Variants in KNL1 observed in about 807,000 individuals in gnomAD.
KNL1 encodes kinetochore scaffold 1.
In KNL1, 66 loss-of-function variants were observed where a neutral mutation model predicts 201.3. That is an observed-to-expected ratio of 0.33 (90% confidence interval 0.27 to 0.40). KNL1 has a LOEUF of 0.40. Among genes scored for constraint, KNL1 ranks in the 10% least tolerant of loss-of-function variants. KNL1 has a pLI of 1.00. For synonymous variants in KNL1, 895 were observed against 899.2 expected, an observed-to-expected ratio of 1.00 and a Z score of 0.08; for missense variants, 2,815 against 2,690.5, an observed-to-expected ratio of 1.05 and a Z score of -1.02.
At chr15:40,595,615 T>C (rs1362202077) in intron 1 of KNL1, among the ~76,000 whole-genome samples, 2 of 152,200 alleles carry the variant, frequency 1.3e-5, no homozygotes, top group Non-Finnish European at 2.9e-5. Context: ...TAAAAGATAC[T>C]GACTCTAGAT....
intron 1 of KNL1, among the ~76,000 whole-genome samples, chr15:40,601,627 C>T (rs1446391610): frequency 6.6e-6 from 1 of 151,670 alleles, no homozygotes; most frequent in African/African-American, 2.4e-5. Flanking sequence ...GTCAGGAGAT[C>T]GAGACCACGG....
chr15:40,649,090 G>T (rs1429600813), intron 17 of KNL1, among the ~76,000 whole-genome samples: 1 of 149,154 alleles, frequency 6.7e-6, no homozygotes, highest in Admixed American at 6.7e-5. Context: ...CGCCCGCCTC[G>T]GCCTCCCAAA....
chr15:40,624,268 T>C lies in KNL1; in HGVS notation c.4004T>C (p.Val1335Ala). ...KDEEKANYCP[V>A]QNDLAYANDF... is the part of the protein sequence containing the mutation. ...GAGGAAAAAGCCAATTATTGCCCAG[T>C]GCAAAATGATCTTGCTTATGCAAAT... Residue 1335 changes from valine to alanine, a missense_variant, in exon 10 of 26, where the codon GTG becomes GCG. This residue lies in a region of KNL1 where 2,464 missense variants were observed against 2,291.7 expected (regional missense o/e 1.08). Transcript: ENST00000399668. 6.2e-7 allele frequency: 1 copy of C among 1,614,104 alleles called. No homozygotes were observed.
At chr15:40,643,949 G>A (rs1428543462) in intron 14 of KNL1, among the ~76,000 whole-genome samples, 1 of 152,126 alleles carries the variant, frequency 6.6e-6, no homozygotes, top group Non-Finnish European at 1.5e-5. Context: ...TGAACCCTAC[G>A]CTTGAAGAGG....
intron 25 of KNL1, among the ~76,000 whole-genome samples, chr15:40,659,864 C>T (rs937614098): frequency 2.7e-5 from 4 of 147,784 alleles, no homozygotes; most frequent in African/African-American, 1.0e-4. Context: ...AGCTAAACTT[C>T]AGTTCTCTTG....
Position 40,629,338 on chromosome 15 carries a change from A to G in KNL1, c.5649A>G (p.Ile1883Met). ...TACTTCTCCAGGTCCACATCTTGATACAGAAACCCCGACAGAGCAATCTCC... is the reference window on the plus strand; with the variant it reads ...TACTTCTCCAGGTCCACATCTTGATGCAGAAACCCCGACAGAGCAATCTCC... The part of the protein sequence containing the change: ...FFILLQVHIL[I>M]QKPRQSNLPG... Residue 1883 changes from isoleucine to methionine, a missense_variant, in exon 13 of 26, where the codon ATA (isoleucine) becomes ATG (methionine). Around this residue, in one of 3 missense-constraint regions of KNL1, gnomAD observed 2,464 missense variants for 2,291.7 expected, o/e 1.08. Coordinates refer to ENST00000399668, the MANE Select transcript of KNL1 (RefSeq NM_144508.5). 6.2e-7 allele frequency: 1 copy of G among 1,606,756 alleles called. No individual in the cohort carries two copies. The highest frequency in any genetic ancestry group is 8.5e-7 in the Non-Finnish European group (1 of 1,178,402).
At chr15:40,628,308 T>G in intron 11 of KNL1, 100 bp downstream of exon 11, 1 of 1,223,744 alleles carries the variant, frequency 8.2e-7, no homozygotes, top group Non-Finnish European at 1.1e-6. Context: ...TGTATATGCC[T>G]TTTTGGGGTT....
chr15:40,658,080 A>G (rs1188833529), intron 24 of KNL1, among the ~76,000 whole-genome samples: 4 of 152,070 alleles, frequency 2.6e-5, no homozygotes, highest in Non-Finnish European at 4.4e-5. Context: ...AGCCTGGCCA[A>G]TATGGTGAAA....
Position 40,621,441 on chromosome 15 carries a change from G to A in KNL1, c.1177G>A (p.Ala393Thr), listed in dbSNP as rs2141719852. ...IHITRSHIMG[A>T]ETHIVSQTCN... ...TATTACCAGAAGTCATATTATGGGG[G>A]CAGAAACTCACATAGTCTCACAGAC... is the stretch of plus-strand genomic sequence containing the variant. Residue 393 changes from alanine (A) to threonine (T), a missense_variant, in exon 10 of 26, where the codon GCA (alanine) becomes ACA (threonine). Around this residue, in one of 3 missense-constraint regions of KNL1, gnomAD observed 2,464 missense variants for 2,291.7 expected, o/e 1.08. Coordinates refer to ENST00000399668, the MANE Select transcript of KNL1 (RefSeq NM_144508.5). 1.2e-6 allele frequency: 2 copies of A among 1,613,814 alleles called. No individual in the cohort carries two copies. Among genetic ancestry groups the A allele is most frequent in the East Asian group, 2.2e-5 (1 of 44,872 alleles).
At position 40,623,053 on chromosome 15, in the gene KNL1, C is replaced by A; in HGVS notation, c.2789C>A (p.Ser930Ter). ...ACTGCCTTAGAATGTAAAACTGTCT[C>A]ACCAGATGAAATAACTACTAGGCCT... ...HTTALECKTV[S>*]PDEITTRPMD... Residue 930 changes from serine to a stop codon, truncating the protein, a stop_gained, in exon 10 of 26, where the codon TCA becomes TAA. Coordinates refer to ENST00000399668, the MANE Select transcript of KNL1 (RefSeq NM_144508.5). LOFTEE classifies it high-confidence loss of function. 1 of 1,613,484 alleles carries A rather than the reference C, an allele frequency of 6.2e-7. No homozygotes were observed. Among genetic ancestry groups the A allele is most frequent in the Non-Finnish European group, 8.5e-7 (1 of 1,179,742 alleles).
At position 40,622,678 on chromosome 15, in the gene KNL1, T is replaced by C; in HGVS notation, c.2414T>C (p.Val805Ala). The change falls in exon 10 of 26, where the codon GTT (valine) becomes GCT (alanine). Residue 805 changes from valine to alanine, a missense_variant. Coordinates refer to ENST00000399668, the MANE Select transcript of KNL1 (RefSeq NM_144508.5). ...ATGAACAGACAGATAGCTGTAAAAG[T>C]TGAAAAATGTGGTAAAAGTCCCATA... is the stretch of plus-strand genomic sequence containing the variant. ...TTMNRQIAVK[V>A]EKCGKSPIEK... is the part of the protein sequence containing the mutation. 1 of 1,589,904 alleles carries C rather than the reference T, an allele frequency of 6.3e-7. No individual in the cohort carries two copies. Among genetic ancestry groups the C allele is most frequent in the Non-Finnish European group, 8.5e-7 (1 of 1,171,096 alleles).
chr15:40,621,484 G>C lies in KNL1; in HGVS notation c.1220G>C (p.Arg407Thr). The C allele has an allele frequency of 6.2e-7, 1 of 1,613,988 alleles. No individual in the cohort carries two copies. Among genetic ancestry groups the C allele is most frequent in the Non-Finnish European group, 8.5e-7 (1 of 1,179,946 alleles). ...TCACAGACTTGTAATCAGGATGCCA[G>C]AATATTAGCCATGACCCCAGAATCT... ...IVSQTCNQDA[R>T]ILAMTPESIY... The change falls in exon 10 of 26, where the codon AGA becomes ACA. Residue 407 changes from arginine to threonine, a missense_variant. This residue lies in a region of KNL1 where 2,464 missense variants were observed against 2,291.7 expected (regional missense o/e 1.08). Transcript: ENST00000399668.
rs373694115 is a variant in KNL1 at position 40,624,718 on chromosome 15, T to C, written c.4454T>C (p.Ile1485Thr). 63 of 1,613,334 alleles carry C rather than the reference T, an allele frequency of 3.9e-5. 1 individual carries two copies. In the African/African-American group the frequency reaches 6.4e-4, roughly 16 times the overall value. Residue 1485 changes from isoleucine to threonine, a missense_variant, in exon 10 of 26, where the codon ATA (isoleucine) becomes ACA (threonine). By Grantham distance (89) the Ile-to-Thr change is moderately conservative. This residue lies in a region of KNL1 where 2,464 missense variants were observed against 2,291.7 expected (regional missense o/e 1.08). Coordinates refer to ENST00000399668, the MANE Select transcript of KNL1 (RefSeq NM_144508.5). ...ATTATAGAAAATTCCTCTGCACCCATATGTGAAAACAAGCCCAAAATACTC... is the reference window on the plus strand; with the variant it reads ...ATTATAGAAAATTCCTCTGCACCCACATGTGAAAACAAGCCCAAAATACTC... ...LNIIENSSAP[I>T]CENKPKILNS... is the part of the protein sequence containing the mutation.
intron 14 of KNL1, 100 bp from the exon 15 acceptor site, chr15:40,644,897 C>A: frequency 1.5e-6 from 1 of 655,402 alleles, no homozygotes; most frequent in Non-Finnish European, 2.6e-6. Flanking sequence ...AGGTCTTTTT[C>A]CAAATGGAGT....
intron 8 of KNL1, among the ~76,000 whole-genome samples, chr15:40,617,502 T>C (rs980919502): frequency 1.3e-5 from 2 of 152,180 alleles, no homozygotes; most frequent in Non-Finnish European, 2.9e-5. Context: ...GATTTATGTT[T>C]GCCGCCAGCT....
At position 40,629,283 on chromosome 15, in the gene KNL1, A is replaced by G; in HGVS notation, c.5594A>G (p.Asp1865Gly). The stretch of plus-strand genomic sequence containing the variant: ...TTTTTCTTTTCTCAGAAACTCCAAG[A>G]TGGGAGAATAACAATAAGGGAGTTC... The part of the protein sequence containing the change: ...CEESLREKLQ[D>G]GRITIREFFI... The change falls in exon 13 of 26, where the codon GAT becomes GGT. Residue 1865 changes from aspartate (D) to glycine (G), a missense_variant. Transcript: ENST00000399668. 1.3e-6 allele frequency: 2 copies of G among 1,582,430 alleles called. No individual in the cohort carries two copies. Among genetic ancestry groups the G allele is most frequent in the South Asian group, 1.2e-5 (1 of 84,744 alleles).
At position 40,620,914 on chromosome 15, in the gene KNL1, A is replaced by G. The variant is rs2141719200; in HGVS notation, c.650A>G (p.Asp217Gly). Residue 217 changes from aspartate to glycine, a missense_variant, in exon 10 of 26, where the codon GAC (aspartate) becomes GGC (glycine). This residue lies in a region of KNL1 where 2,464 missense variants were observed against 2,291.7 expected (regional missense o/e 1.08). Transcript: ENST00000399668. The part of the protein sequence containing the change: ...TSSENKIDFN[D>G]FIKRLKTGKC... ...TCAGAAAATAAAATAGATTTCAATG[A>G]CTTCATAAAAAGATTGAAAACAGGA... 6.3e-7 allele frequency: 1 copy of G among 1,598,266 alleles called. No homozygotes were observed. The highest frequency in any genetic ancestry group is 8.5e-7 in the Non-Finnish European group (1 of 1,175,710).
chr15:40,619,403 T>C (rs1892444894), intron 9 of KNL1, among the ~76,000 whole-genome samples: 1 of 151,066 alleles, frequency 6.6e-6, no homozygotes. Context: ...ACAAGAAGGA[T>C]TTTTTTTGGT....
rs368731993 is a variant in KNL1, at chr15:40,622,655, G to A, written c.2391G>A (p.Met797Ile). ...LEHTTGQLTT[M>I]NRQIAVKVEK... The stretch of plus-strand genomic sequence containing the variant: ...ACACTACTGGCCAGCTAACAACAAT[G>A]AACAGACAGATAGCTGTAAAAGTTG... Residue 797 changes from methionine to isoleucine, a missense_variant, in exon 10 of 26, where the codon ATG (methionine) becomes ATA (isoleucine). Met to Ile is a conservative substitution (Grantham distance 10, BLOSUM62 1). Around this residue, in one of 3 missense-constraint regions of KNL1, gnomAD observed 2,464 missense variants for 2,291.7 expected, o/e 1.08. Transcript: ENST00000399668. The A allele has an allele frequency of 1.3e-6, 2 of 1,591,764 alleles. No homozygotes were observed. The highest frequency in any genetic ancestry group is 1.7e-6 in the Non-Finnish European group (2 of 1,171,740).
Sources: gnomAD v4.1 joint callset for allele counts (sites outside exome capture counted in the v4.1 genomes callset) on GRCh38, gnomAD v4.1.1 for gene constraint, gnomAD v4.1.1 regional missense constraint, MANE v1.5 for transcripts, NCBI Gene and HGNC (gene_info 2026-07-23, HGNC 2026-07-21) for gene names.